HAS1: variants seen among roughly 807,000 people sequenced by gnomAD.
HAS1 encodes HA synthase 1.
HAS1 carries 27 observed loss-of-function variants against 35.0 expected under a neutral mutation model. The observed-to-expected ratio is 0.77, with a 90% CI of 0.57 to 1.06. The LOEUF is 1.06. Among genes scored for constraint, HAS1 ranks in the 50% least tolerant of loss-of-function variants. The pLI is 0.00. For synonymous variants in HAS1, 409 were observed against 371.2 expected, an observed-to-expected ratio of 1.10 and a Z score of -1.17; for missense variants, 940 against 814.8, an observed-to-expected ratio of 1.15 and a Z score of -1.87.
Position 51,713,509 on chromosome 19 carries a change from C to G in HAS1, c.1652G>C (p.Trp551Ser). ...AAGAGAYVGY[W>S]VAMLTLYWVG... Reference sequence around the variant, plus strand: ...CCAGTACAGCGTCAACATGGCCACCCAGTAGCCCACGTAGGCGCCGGCCCC... The same window carrying G: ...CCAGTACAGCGTCAACATGGCCACCGAGTAGCCCACGTAGGCGCCGGCCCC... The change falls in exon 5 of 5, where the codon TGG (tryptophan) becomes TCG (serine). Residue 551 changes from tryptophan (W) to serine (S), a missense_variant. By Grantham distance (177) the Trp-to-Ser change is radical. Transcript: ENST00000540069. The surrounding 1 kb of genome is among the most constrained non-coding windows in gnomAD (Gnocchi z 4.5). 2.5e-6 allele frequency: 4 copies of G among 1,606,774 alleles called. No homozygotes were observed. Among genetic ancestry groups the G allele is most frequent in the Non-Finnish European group, 2.5e-6 (3 of 1,177,328 alleles).
At chr19:51,721,549 G>A (rs1437237527) in intron 1 of HAS1, among the ~76,000 whole-genome samples, 2 of 152,096 alleles carry the variant, frequency 1.3e-5, no homozygotes, top group South Asian at 2.1e-4. Context: ...AGGCGGAGGC[G>A]GGTGGATCAC....
At chr19:51,719,088 G>A (rs976774782) in intron 2 of HAS1, 118 bp downstream of exon 2, 1 of 589,272 alleles carries the variant, frequency 1.7e-6, no homozygotes, top group African/African-American at 1.9e-5. Flanking sequence ...TCCACTGCAT[G>A]GATGAAAGAA....
At chr19:51,716,184 C>G (rs1222302608) in intron 4 of HAS1, 72 bp downstream of exon 4, 2 of 1,344,166 alleles carry the variant, frequency 1.5e-6, no homozygotes, top group Non-Finnish European at 2.1e-6. Context: ...TTGGAGAACT[C>G]TCAGCATGCA....
In HAS1 at chr19:51,719,754, C is replaced by T. The variant is rs1450076013; in HGVS notation, c.151G>A (p.Gly51Ser). The change falls in exon 2 of 5, where the codon GGC (glycine) becomes AGC (serine). Residue 51 changes from glycine to serine, a missense_variant. By Grantham distance (56) the Gly-to-Ser change is moderately conservative. Coordinates refer to ENST00000540069, the MANE Select transcript of HAS1 (RefSeq NM_001297436.2). ...AGVPLASDRY[G>S]LLAFGLYGAF... Reference sequence around the variant, plus strand: ...CCGTAGAGGCCGAAGGCCAGGAGGCCGTAGCGATCGGAGGCCAGCGGCACC... The same window carrying T: ...CCGTAGAGGCCGAAGGCCAGGAGGCTGTAGCGATCGGAGGCCAGCGGCACC... The T allele has an allele frequency of 6.4e-7, 1 of 1,565,998 alleles. No homozygotes were observed. Among genetic ancestry groups the T allele is most frequent in the South Asian group, 1.2e-5 (1 of 85,782 alleles).
intron 1 of HAS1, among the ~76,000 whole-genome samples, chr19:51,720,699 C>G (rs2083625935): frequency 6.6e-6 from 1 of 151,778 alleles, no homozygotes; most frequent in African/African-American, 2.4e-5. Flanking sequence ...CTCACTATGT[C>G]TCCTAGGCTC....
Position 51,713,446 on chromosome 19 carries a change from C to G in HAS1, c.1715G>C (p.Gly572Ala). 1.3e-6 allele frequency: 2 copies of G among 1,538,536 alleles called. No homozygotes were observed. Among genetic ancestry groups the G allele is most frequent in the Non-Finnish European group, 1.8e-6 (2 of 1,141,280 alleles). Reference protein sequence around the residue: ...VRRLCRRRTGGYRVQV With the variant: ...VRRLCRRRTGAYRVQV ...CTGGACTCACACCTGGACGCGGTAGCCCCCGGTCCGCCGCCGGCAAAGCCT... is the reference window on the plus strand; with the variant it reads ...CTGGACTCACACCTGGACGCGGTAGGCCCCGGTCCGCCGCCGGCAAAGCCT... The change falls in exon 5 of 5, where the codon GGC becomes GCC. Residue 572 changes from glycine to alanine, a missense_variant. Gly to Ala is a moderately conservative substitution (Grantham distance 60). Coordinates refer to ENST00000540069, the MANE Select transcript of HAS1 (RefSeq NM_001297436.2). This position sits in a 1 kb window ranked among gnomAD's most constrained non-coding sequence, Gnocchi z 4.5.
At chr19:51,721,516 G>A (rs1158415149) in intron 1 of HAS1, among the ~76,000 whole-genome samples, 3 of 152,006 alleles carry the variant, frequency 2.0e-5, no homozygotes, top group Non-Finnish European at 4.4e-5. Flanking sequence ...TGTGGCTCAC[G>A]CCTGTAATCC....
Position 51,716,329 on chromosome 19 carries a change from G to A in HAS1, c.985C>T (p.Leu329=). ...FLEAWYNQKF[L]GTHCTFGDDR... ...TCCCCAAAAGTACAGTGGGTACCCA[G>A]GAACTTCTGGTTGTACCAGGCCTCA... The change falls in exon 4 of 5, where the codon CTG becomes TTG. Residue 329 remains leucine, a synonymous_variant. Transcript: ENST00000540069. 3 of 1,613,608 alleles carry A rather than the reference G, an allele frequency of 1.9e-6. No individual in the cohort carries two copies. The highest frequency in any genetic ancestry group is 2.5e-6 in the Non-Finnish European group (3 of 1,179,576).
At chr19:51,719,917 A>T in intron 1 of HAS1, 22 bp from the exon 2 acceptor site, 1 of 1,498,840 alleles carries the variant, frequency 6.7e-7, no homozygotes, top group South Asian at 1.2e-5. Flanking sequence ...GAGAGGGGAA[A>T]GGAAGGGGCA....
chr19:51,715,313 C>A (rs923876620), intron 4 of HAS1, among the ~76,000 whole-genome samples: 3 of 152,044 alleles, frequency 2.0e-5, no homozygotes, highest in Non-Finnish European at 4.4e-5. Context: ...GAGTGGACCA[C>A]TCCTTAACTC....
intron 1 of HAS1, among the ~76,000 whole-genome samples, chr19:51,720,725 C>T (rs932562982): frequency 1.3e-5 from 2 of 151,980 alleles, no homozygotes; most frequent in Non-Finnish European, 2.9e-5. Context: ...TCCCAAAGTG[C>T]TATGAATACA....
chr19:51,717,234 A>G, intron 2 of HAS1, 41 bp from the exon 3 acceptor site: 3 of 1,346,804 alleles, frequency 2.2e-6, no homozygotes, highest in Non-Finnish European at 3.2e-6. Flanking sequence ...AGACCCCTGC[A>G]TCAGGCTGAT....
In HAS1 at chr19:51,717,106, CA is replaced by C. The variant is rs1314729494; in HGVS notation, c.786del (p.Gly263ValfsTer17). The C allele has an allele frequency of 2.5e-6, 4 of 1,613,884 alleles. No homozygotes were observed. The South Asian group carries it at 4.4e-5, about 18-fold the overall frequency. ...GGGTTAAGGATCCGCACGTCCCCAC[CA>C]ACAGCCCCTACCCGGGGGTCCTCGT... ...VLDEDPRVGAVGGDVRILNPL... is the reference protein window; with the variant it reads ...VLDEDPRVGAXGGDVRILNPL... On this transcript the variant is annotated frameshift_variant, in exon 3 of 5. Transcript: ENST00000540069. LOFTEE classifies it high-confidence loss of function.
chr19:51,719,380 G>T lies in HAS1; in HGVS notation c.525C>A (p.Gly175=). The T allele has an allele frequency of 1.3e-6, 2 of 1,583,694 alleles. No homozygotes were observed. Among genetic ancestry groups the T allele is most frequent in the African/African-American group, 1.4e-5 (1 of 74,010 alleles). The change falls in exon 2 of 5, where the codon GGC becomes GGA. Residue 175 remains glycine (G), a synonymous_variant. Coordinates refer to ENST00000540069, the MANE Select transcript of HAS1 (RefSeq NM_001297436.2). ...YHQPWEPAAA[G]AVGAGAYREV... Reference sequence around the variant, plus strand: ...CCCGATAGGCTCCGGCGCCCACCGCGCCCGCCGCCGCGGGTTCCCAGGGCT... The same window carrying T: ...CCCGATAGGCTCCGGCGCCCACCGCTCCCGCCGCCGCGGGTTCCCAGGGCT...
At chr19:51,716,927 C>G (rs376495392) in intron 3 of HAS1, 41 bp downstream of exon 3, 2 of 1,371,398 alleles carry the variant, frequency 1.5e-6, no homozygotes, top group African/African-American at 2.8e-5. Flanking sequence ...TTCTCCCTTT[C>G]CACCCCATCC....
At chr19:51,721,860 C>T (rs987358983) in intron 1 of HAS1, among the ~76,000 whole-genome samples, 1 of 152,094 alleles carries the variant, frequency 6.6e-6, no homozygotes, top group African/African-American at 2.4e-5. Flanking sequence ...GCCTTGGCCC[C>T]CTAAAGTGCT....
chr19:51,717,271 CA>C (rs2083594135), intron 2 of HAS1, 78 bp from the exon 3 acceptor site: 1 of 965,170 alleles, frequency 1.0e-6, no homozygotes, highest in African/African-American at 1.6e-5. Flanking sequence ...TCAAGGGGTG[CA>C]ATGCAGCTGG....
chr19:51,716,510 A>C, intron 3 of HAS1, 122 bp from the exon 4 acceptor site: 93 of 782,942 alleles, frequency 1.2e-4, no homozygotes, highest in Non-Finnish European at 1.7e-4. Context: ...TCATAATCTC[A>C]ATCTCAGCAC....
chr19:51,719,652 G>GCGC lies in HAS1; in HGVS notation c.250_252dup (p.Ala84dup), dbSNP rs1250045687. The stretch of plus-strand genomic sequence containing the variant: ...GCGGTGGCTGCATCCAGCGGCCCCC[G>GCGC]CGCCGCCGCCGCCACCCGCCGGTGC... On this transcript the variant is annotated inframe_insertion, in exon 2 of 5. Coordinates refer to ENST00000540069, the MANE Select transcript of HAS1 (RefSeq NM_001297436.2). 7 of 1,539,240 alleles carry GCGC rather than the reference G, an allele frequency of 4.5e-6. No individual in the cohort carries two copies. The highest frequency in any genetic ancestry group is 1.9e-4 in the Middle Eastern group (1 of 5,188).
Sources: allele counts gnomAD v4.1 joint callset (sites outside exome capture counted in the v4.1 genomes callset), GRCh38; gene constraint gnomAD v4.1.1; non-coding constraint Gnocchi (gnomAD v3.1); transcripts MANE v1.5; gene names NCBI Gene and HGNC (gene_info 2026-07-23, HGNC 2026-07-21).